Variants in PTPRN2 observed in about 807,000 individuals in gnomAD.
The protein encoded by PTPRN2 is receptor-type tyrosine-protein phosphatase N2.
PTPRN2 carries 74 observed loss-of-function variants against 118.8 expected under a neutral mutation model. That is an observed-to-expected ratio of 0.62 (90% CI 0.52 to 0.76). PTPRN2 has a LOEUF of 0.76. Ranked by LOEUF, PTPRN2 falls within the 30% of genes least tolerant of loss-of-function variation. PTPRN2 has a pLI of 0.00. For missense variants in PTPRN2, 1,481 were observed against 1,394.4 expected (o/e 1.06, Z -0.99); for synonymous variants, 641 against 608.0 (o/e 1.05, Z -0.80).
At chr7:158,163,619 C>T (rs1329327716) in intron 6 of PTPRN2, among the ~76,000 whole-genome samples, 1 of 147,680 alleles carries the variant, frequency 6.8e-6, no homozygotes, top group Non-Finnish European at 1.5e-5. Context: ...GTACGGGGTT[C>T]TCAATATTCT....
rs1800645360 is a variant in PTPRN2, at chr7:157,585,887, G to C, written c.2497-7747C>G. Among the ~76,000 whole-genome samples, 1 of 152,204 alleles carries C rather than the reference G, an allele frequency of 6.6e-6. No homozygotes were observed. The highest frequency in any genetic ancestry group is 2.4e-5 in the African/African-American group (1 of 41,452). On this transcript the variant is annotated intron_variant, in intron 17 of 22. Coordinates refer to ENST00000389418, the MANE Select transcript of PTPRN2 (RefSeq NM_002847.5). This position sits in a 1 kb window ranked among gnomAD's most constrained non-coding sequence, Gnocchi z 5.2. ...AAAGCCGGACCTGTCCTTTCTACTTGAGTCCCATTTTAAATTCCGCATGTG... is the reference window on the plus strand; with the variant it reads ...AAAGCCGGACCTGTCCTTTCTACTTCAGTCCCATTTTAAATTCCGCATGTG...
intron 11 of PTPRN2, among the ~76,000 whole-genome samples, chr7:157,996,753 A>C (rs571671475): frequency 2.0e-5 from 3 of 152,302 alleles, no homozygotes; most frequent in Non-Finnish European, 2.9e-5. Context: ...CTGTGCTTGC[A>C]AAGAAAAAAA....
At chr7:158,522,178 C>CGTCACAATGGTGGACTGTCCGGGTAG (rs1824198262) in intron 1 of PTPRN2, among the ~76,000 whole-genome samples, 2 of 16,820 alleles carry the variant, frequency 1.2e-4, no homozygotes, top group East Asian at 4.5e-3. Flanking sequence ...TGTCCGGGTA[C>CGTCACAATGGTGGACTGTCCGGGTAG]TGGCTCGGGA....
At chr7:158,503,789 G>A (rs1822549738) in intron 1 of PTPRN2, among the ~76,000 whole-genome samples, 1 of 152,064 alleles carries the variant, frequency 6.6e-6, no homozygotes, top group South Asian at 2.1e-4. Context: ...TCATTTGAGG[G>A]CAGGAGTTGT....
intron 1 of PTPRN2, among the ~76,000 whole-genome samples, chr7:158,587,190 C>G (rs1201030423): frequency 7.1e-6 from 1 of 141,406 alleles, no homozygotes; most frequent in Non-Finnish European, 1.6e-5. Flanking sequence ...CCTAAACCCC[C>G]CACTCATTCA....
intron 13 of PTPRN2, among the ~76,000 whole-genome samples, chr7:157,657,253 C>T (rs1795562533): frequency 9.7e-6 from 1 of 102,912 alleles, no homozygotes; most frequent in African/African-American, 4.1e-5. Context: ...ACACATCACA[C>T]ATATACACAC....
At chr7:157,901,016 T>C (rs1022826597) in intron 11 of PTPRN2, among the ~76,000 whole-genome samples, 1 of 152,200 alleles carries the variant, frequency 6.6e-6, no homozygotes, top group Admixed American at 6.5e-5. Flanking sequence ...ATGGCACAGG[T>C]GTCTGCATCT....
At chr7:157,593,050 A>T (rs1303695475) in intron 17 of PTPRN2, among the ~76,000 whole-genome samples, 2 of 145,578 alleles carry the variant, frequency 1.4e-5, no homozygotes, top group Non-Finnish European at 3.0e-5. Context: ...TGGAGGGTGG[A>T]TGTGGGCATC....
chr7:157,860,455 C>T (rs1400859894), intron 12 of PTPRN2, among the ~76,000 whole-genome samples: 1 of 152,266 alleles, frequency 6.6e-6, no homozygotes, highest in Non-Finnish European at 1.5e-5. Context: ...CTTCCCAAGA[C>T]TGCAGTTTTA....
intron 6 of PTPRN2, among the ~76,000 whole-genome samples, chr7:158,141,069 T>C (rs568397464): frequency 6.6e-6 from 1 of 151,880 alleles, no homozygotes; most frequent in East Asian, 1.9e-4. Flanking sequence ...GCTGCCACCC[T>C]CCACGCTAGA....
intron 12 of PTPRN2, among the ~76,000 whole-genome samples, chr7:157,725,310 TGTGGCCAGACCCTCGCCTCCCAGGA>T: frequency 1.1e-5 from 1 of 91,696 alleles, no homozygotes; most frequent in South Asian, 3.8e-4. Flanking sequence ...CCCAGAGGAG[TGTGGCCAGACCCTCGCCTCCCAGGA>T]GAACTGGATA....
intron 3 of PTPRN2, among the ~76,000 whole-genome samples, chr7:158,268,820 G>T (rs1333293213): frequency 7.6e-6 from 1 of 131,544 alleles, no homozygotes; most frequent in Non-Finnish European, 1.6e-5. Context: ...CCAGCCGCAC[G>T]CACACAGGGT....
At chr7:158,324,455 C>A (rs1245886332) in intron 2 of PTPRN2, among the ~76,000 whole-genome samples, 1 of 151,880 alleles carries the variant, frequency 6.6e-6, no homozygotes, top group Non-Finnish European at 1.5e-5. Context: ...AGTCCTCACC[C>A]CTGGCAGTGA....
At chr7:158,262,423 CACAT>C (rs1213265354) in intron 3 of PTPRN2, among the ~76,000 whole-genome samples, 2,175 of 141,062 alleles carry the variant, frequency 0.015, 44 homozygotes, top group African/African-American at 0.055. Flanking sequence ...TACATTCACA[CACAT>C]ACACACATTC....
intron 1 of PTPRN2, among the ~76,000 whole-genome samples, chr7:158,497,189 T>C (rs1249992506): frequency 7.2e-4 from 8 of 11,114 alleles, no homozygotes; most frequent in East Asian, 2.3e-3. Context: ...CCTGTACCCC[T>C]TCCCCCTTCC....
chr7:157,935,951 G>A (rs1377692143), intron 11 of PTPRN2, among the ~76,000 whole-genome samples: 1 of 150,932 alleles, frequency 6.6e-6, no homozygotes, highest in Non-Finnish European at 1.5e-5. Context: ...CTCCCTCAGG[G>A]GTGTCTAGCC....
chr7:157,796,287 C>T (rs142214971), intron 12 of PTPRN2, among the ~76,000 whole-genome samples: 24 of 152,332 alleles, frequency 1.6e-4, no homozygotes, highest in African/African-American at 4.3e-4. Flanking sequence ...GCTGATGTTA[C>T]GTGCACTAAG....
At chr7:157,994,598 C>T (rs1293240966) in intron 11 of PTPRN2, among the ~76,000 whole-genome samples, 73 of 133,150 alleles carry the variant, frequency 5.5e-4, no homozygotes, top group Admixed American at 1.4e-3. Flanking sequence ...AAATCAATGC[C>T]GCGTCCCCAG....
At chr7:157,559,533 G>A (rs920261284) in intron 21 of PTPRN2, among the ~76,000 whole-genome samples, 4 of 152,172 alleles carry the variant, frequency 2.6e-5, no homozygotes, top group African/African-American at 7.2e-5. Context: ...CAGCTGTGCC[G>A]CAGGAAATGG....
Sources: allele counts gnomAD v4.1 joint callset (sites outside exome capture counted in the v4.1 genomes callset), GRCh38; gene constraint gnomAD v4.1.1; non-coding constraint Gnocchi (gnomAD v3.1); transcripts MANE v1.5; gene names NCBI Gene and HGNC (gene_info 2026-07-23, HGNC 2026-07-21).